The following PICALM variants were observed in gnomAD, a reference collection of about 807,000 sequenced individuals.
PICALM encodes the protein phosphatidylinositol binding clathrin assembly protein.
Under a neutral mutation model 80.5 loss-of-function variants are expected in PICALM, and 40 were observed. That is an observed-to-expected ratio of 0.50 (90% confidence interval 0.39 to 0.65). PICALM has a LOEUF of 0.65. Ranked by LOEUF, PICALM falls within the 30% of genes least tolerant of loss-of-function variation. PICALM has a pLI of 0.00. For synonymous variants in PICALM, 288 were observed against 260.3 expected, an observed-to-expected ratio of 1.11 and a Z score of -1.02; for missense variants, 676 against 778.9, an observed-to-expected ratio of 0.87 and a Z score of 1.57.
chr11:86,023,382 G>GAA, intron 3 of PICALM: 1 of 878,432 alleles, frequency 1.1e-6, no homozygotes, highest in African/African-American at 1.8e-5. Flanking sequence ...GAACAAAATA[G>GAA]AAAAAAAAAT....
chr11:85,991,758 GA>G (rs1465981150), intron 12 of PICALM, among the ~76,000 whole-genome samples: 2 of 151,672 alleles, frequency 1.3e-5, no homozygotes, highest in East Asian at 3.9e-4. Context: ...CCAATAAATG[GA>G]ACACTGGGAA....
intron 1 of PICALM, among the ~76,000 whole-genome samples, chr11:86,048,069 C>CG (rs1565548149): frequency 6.6e-6 from 1 of 152,092 alleles, no homozygotes; most frequent in Non-Finnish European, 1.5e-5. Context: ...CCACTGCACT[C>CG]CAGCCTGGGC....
intron 5 of PICALM, 24 bp from the exon 6 acceptor site, chr11:86,012,416 A>AT (rs1253133911): frequency 1.5e-6 from 2 of 1,314,296 alleles, no homozygotes; most frequent in African/African-American, 2.9e-5. Flanking sequence ...GGAAAATAAA[A>AT]TTAGCTAATC....
intron 17 of PICALM, chr11:85,976,894 A>G (rs772751450): frequency 2.0e-5 from 9 of 444,528 alleles, no homozygotes; most frequent in Non-Finnish European, 3.7e-5. Flanking sequence ...AAGGATAACT[A>G]TACCACTTAA....
intron 1 of PICALM, among the ~76,000 whole-genome samples, chr11:86,051,276 C>T (rs999955077): frequency 6.6e-6 from 1 of 152,130 alleles, no homozygotes; most frequent in African/African-American, 2.4e-5. Context: ...AGAAAATAAA[C>T]TATTTTAGTA....
intron 3 of PICALM, among the ~76,000 whole-genome samples, chr11:86,023,871 T>C (rs1253436073): frequency 6.6e-6 from 1 of 152,194 alleles, no homozygotes; most frequent in African/African-American, 2.4e-5. Context: ...CTCATGCCTG[T>C]AATCCCAGCA....
upstream of PICALM, chr11:86,069,821 A>G (rs1215069808): frequency 1.3e-5 from 2 of 152,250 alleles, no homozygotes; most frequent in Non-Finnish European, 1.5e-5. Flanking sequence ...GCCATTCTAA[A>G]TTTAGATACT....
In PICALM at chr11:85,981,213, A is replaced by T; in HGVS notation, c.1695T>A (p.Ser565Arg). ...CAGTTAACTTCTTTTCACCTGGTTG[A>T]CTCCAATTTACATCACTTTAAATAA... ...NGTTKNDVNW[S>R]QPGEKKLTGG... Residue 565 changes from serine (S) to arginine (R), a missense_variant, in exon 17 of 20, where the codon AGT (serine) becomes AGA (arginine). Physicochemically the swap from Ser to Arg is moderately radical, Grantham distance 110. This residue lies in a region of PICALM where 391 missense variants were observed against 383.6 expected (regional missense o/e 1.02). Transcript: ENST00000393346. The T allele has an allele frequency of 6.3e-7, 1 of 1,578,474 alleles. No individual in the cohort carries two copies.
chr11:85,963,920 CTTTTTTTTTT>C (rs10686143), intron 19 of PICALM, among the ~76,000 whole-genome samples: 1 of 72,878 alleles, frequency 1.4e-5, no homozygotes, highest in Non-Finnish European at 2.5e-5. Flanking sequence ...CCACACCTGG[CTTTTTTTTTT>C]TTTTTTTTTT....
intron 1 of PICALM, among the ~76,000 whole-genome samples, chr11:86,065,441 CAAA>C (rs552979493): frequency 1.6e-5 from 2 of 127,918 alleles, no homozygotes; most frequent in Admixed American, 7.7e-5. Flanking sequence ...GACTCCGTCT[CAAA>C]AAAAAAAAAA....
At chr11:85,997,121 TATC>T (rs2094992745) in intron 11 of PICALM, among the ~76,000 whole-genome samples, 192 bp from the exon 12 acceptor site, 1 of 152,188 alleles carries the variant, frequency 6.6e-6, no homozygotes, top group East Asian at 1.9e-4. Flanking sequence ...AATAATCTAA[TATC>T]ATATCTTAAG....
chr11:86,037,079 G>A (rs563732340), intron 1 of PICALM, among the ~76,000 whole-genome samples: 345 of 151,412 alleles, frequency 2.3e-3, no homozygotes, highest in African/African-American at 8.0e-3. Flanking sequence ...CCAAGCAGCT[G>A]GGACTACAGG....
intron 8 of PICALM, among the ~76,000 whole-genome samples, chr11:86,006,833 A>G (rs564538097): frequency 3.3e-5 from 5 of 152,352 alleles, no homozygotes; most frequent in African/African-American, 1.2e-4. Context: ...GTTTTTTCCT[A>G]GAAAATTTTT....
At chr11:85,999,696 C>T (rs2095084932) in intron 11 of PICALM, among the ~76,000 whole-genome samples, 1 of 152,200 alleles carries the variant, frequency 6.6e-6, no homozygotes, top group Admixed American at 6.5e-5. Context: ...TTAGGCTCAG[C>T]TATTAGGAGT....
At chr11:86,031,314 G>C (rs1178676458) in intron 2 of PICALM, among the ~76,000 whole-genome samples, 155 bp downstream of exon 2, 1 of 152,114 alleles carries the variant, frequency 6.6e-6, no homozygotes, top group African/African-American at 2.4e-5. Context: ...TGGCTTACAA[G>C]CTATCTTTCC....
intron 19 of PICALM, among the ~76,000 whole-genome samples, chr11:85,965,821 T>TTG (rs2093871230): frequency 9.2e-6 from 1 of 108,612 alleles, no homozygotes; most frequent in African/African-American, 4.0e-5. Flanking sequence ...TTTTGTTTTT[T>TTG]TTTTTTTTTT....
At chr11:86,068,576 A>G in intron 1 of PICALM, 75 bp downstream of exon 1, 1 of 1,421,986 alleles carries the variant, frequency 7.0e-7, no homozygotes. Context: ...AGGGTGAAAG[A>G]CAAGAGAGAG....
At chr11:85,980,973 A>G (rs1240238976) in intron 17 of PICALM, among the ~76,000 whole-genome samples, 156 bp downstream of exon 17, 1 of 152,266 alleles carries the variant, frequency 6.6e-6, no homozygotes, top group Admixed American at 6.5e-5. Context: ...TGGTAAATAT[A>G]GGCAACCAGC....
At chr11:85,989,232 A>T (rs2094685408) in intron 13 of PICALM, among the ~76,000 whole-genome samples, 1 of 152,178 alleles carries the variant, frequency 6.6e-6, no homozygotes, top group Admixed American at 6.5e-5. Context: ...GAATTATCAC[A>T]CTTTGGATAT....
Sources: allele counts gnomAD v4.1 joint callset (sites outside exome capture counted in the v4.1 genomes callset), GRCh38; gene constraint gnomAD v4.1.1; regional missense constraint gnomAD v4.1.1; transcripts MANE v1.5; gene names NCBI Gene and HGNC (gene_info 2026-07-23, HGNC 2026-07-21).